Variants in XIRP2 observed in about 807,000 individuals in gnomAD.
The protein encoded by XIRP2 is xin actin-binding repeat-containing protein 2.
Under a neutral mutation model 277.0 loss-of-function variants are expected in XIRP2, and 236 were observed. The ratio of observed to expected loss-of-function variants is 0.85; its 90% CI spans 0.77 to 0.95. The LOEUF (loss-of-function observed/expected upper bound fraction) is 0.95. Ranked by LOEUF, XIRP2 falls within the 40% of genes least tolerant of loss-of-function variation. The probability of loss-of-function intolerance (pLI) is 0.00; values close to 1 mark genes in which losing one functional copy is unlikely to be tolerated. For synonymous variants in XIRP2, 1,490 were observed against 1,416.5 expected (o/e 1.05, Z -1.17); for missense variants, 4,640 against 4,157.5 (o/e 1.12, Z -3.19).
intron 2 of XIRP2, among the ~76,000 whole-genome samples, chr2:166,961,768 G>T (rs1018801817): frequency 6.6e-6 from 1 of 151,564 alleles, no homozygotes; most frequent in Non-Finnish European, 1.5e-5. Flanking sequence ...GCATGGAGTG[G>T]AATTCTAATT....
chr2:167,042,915 C>G (rs531303374), intron 2 of XIRP2, among the ~76,000 whole-genome samples: 3 of 151,722 alleles, frequency 2.0e-5, no homozygotes, highest in African/African-American at 7.2e-5. Context: ...ACATTCTTCA[C>G]TGACCACTTG....
intron 2 of XIRP2, among the ~76,000 whole-genome samples, chr2:167,022,489 T>C (rs974317353): frequency 6.6e-6 from 1 of 152,198 alleles, no homozygotes; most frequent in Non-Finnish European, 1.5e-5. Flanking sequence ...AGGGTACATG[T>C]GCACAACGTG....
chr2:167,059,365 A>G (rs1689120448), intron 2 of XIRP2, among the ~76,000 whole-genome samples: 1 of 151,228 alleles, frequency 6.6e-6, no homozygotes, highest in Non-Finnish European at 1.5e-5. Flanking sequence ...TGATCCGCCC[A>G]TCTCGCTGAA....
rs1695775186 is a variant in XIRP2 at position 167,259,312 on chromosome 2, C to CA, written c.*1496dup. Reference sequence around the variant, plus strand: ...GAGTGGAGGTGCAGTCAGAACAACTCACGGTGGAAGAGCAGATTAAAAGAA... The same window carrying CA: ...GAGTGGAGGTGCAGTCAGAACAACTCAACGGTGGAAGAGCAGATTAAAAGAA... On this transcript the variant is annotated 3_prime_UTR_variant, in exon 11 of 11. Transcript: ENST00000409195. 2 of 1,612,660 alleles carry CA rather than the reference C, an allele frequency of 1.2e-6. No individual in the cohort carries two copies. Among genetic ancestry groups the CA allele is most frequent in the Non-Finnish European group, 1.7e-6 (2 of 1,179,434 alleles).
intron 2 of XIRP2, among the ~76,000 whole-genome samples, chr2:167,121,964 G>T (rs1287880888): frequency 6.6e-6 from 1 of 152,118 alleles, no homozygotes; most frequent in Non-Finnish European, 1.5e-5. Context: ...AGCTCAAATA[G>T]CAGCATGTTG....
At chr2:167,121,001 C>T (rs1022005898) in intron 2 of XIRP2, among the ~76,000 whole-genome samples, 3 of 152,074 alleles carry the variant, frequency 2.0e-5, no homozygotes, top group African/African-American at 7.2e-5. Flanking sequence ...ATTTCATATT[C>T]ATTCAAAAGT....
At position 167,244,807 on chromosome 2, in the gene XIRP2, A is replaced by G; in HGVS notation, c.3415A>G (p.Ile1139Val). 3 of 1,613,788 alleles carry G rather than the reference A, an allele frequency of 1.9e-6. No homozygotes were observed. The highest frequency in any genetic ancestry group is 1.7e-5 in the Admixed American group (1 of 59,990). The change falls in exon 9 of 11, where the codon ATA becomes GTA. Residue 1139 changes from isoleucine to valine, a missense_variant. Physicochemically the swap from Ile to Val is conservative, Grantham distance 29. Transcript: ENST00000409195. ...CTTTGAAACTCAGCCACTTGATACC[A>G]TAAAAGATGACTCTGAAACAGCAGT... ...WLFETQPLDTIKDDSETAVKL... is the reference protein window; with the variant it reads ...WLFETQPLDTVKDDSETAVKL...
At chr2:167,093,497 G>T (rs1690208912) in intron 2 of XIRP2, among the ~76,000 whole-genome samples, 1 of 151,926 alleles carries the variant, frequency 6.6e-6, no homozygotes, top group Non-Finnish European at 1.5e-5. Flanking sequence ...GCCCCAGTGT[G>T]TGATGTTCCC....
At chr2:167,075,073 T>A (rs1331535712) in intron 2 of XIRP2, among the ~76,000 whole-genome samples, 1 of 152,224 alleles carries the variant, frequency 6.6e-6, no homozygotes, top group Non-Finnish European at 1.5e-5. Flanking sequence ...ATCTATAGTT[T>A]ATTTGGATGT....
At chr2:167,232,644 GAT>G (rs1161516498) in intron 5 of XIRP2, among the ~76,000 whole-genome samples, 1 of 151,886 alleles carries the variant, frequency 6.6e-6, no homozygotes, top group Non-Finnish European at 1.5e-5. Flanking sequence ...GTTAAGTAAA[GAT>G]ACCAAACACT....
intron 2 of XIRP2, among the ~76,000 whole-genome samples, chr2:166,960,955 G>C (rs1276985891): frequency 1.3e-5 from 2 of 151,730 alleles, no homozygotes; most frequent in Non-Finnish European, 2.9e-5. Context: ...ATTGCCATTA[G>C]AGAGCTCAGT....
chr2:167,005,267 T>C (rs1396550318), intron 2 of XIRP2, among the ~76,000 whole-genome samples: 3 of 151,852 alleles, frequency 2.0e-5, no homozygotes, highest in African/African-American at 7.2e-5. Context: ...AACAAGAATA[T>C]ATTTTGTCAT....
At chr2:167,012,478 A>G (rs1371876359) in intron 2 of XIRP2, among the ~76,000 whole-genome samples, 1 of 151,720 alleles carries the variant, frequency 6.6e-6, no homozygotes, top group Non-Finnish European at 1.5e-5. Flanking sequence ...GAACAAAGTA[A>G]AAGTTGAATA....
intron 3 of XIRP2, among the ~76,000 whole-genome samples, chr2:167,186,186 C>G (rs1357478424): frequency 6.6e-6 from 1 of 152,124 alleles, no homozygotes; most frequent in African/African-American, 2.4e-5. Flanking sequence ...AAGCACAACT[C>G]TAAATAATTA....
chr2:166,938,920 C>T (rs1685607142), intron 2 of XIRP2, among the ~76,000 whole-genome samples: 1 of 152,104 alleles, frequency 6.6e-6, no homozygotes. Context: ...GCAACCCCTG[C>T]CTTTTTATGT....
chr2:167,120,518 T>C (rs1691026931), intron 2 of XIRP2, among the ~76,000 whole-genome samples: 1 of 152,212 alleles, frequency 6.6e-6, no homozygotes. Context: ...GAATGATCAC[T>C]ATGGTATGTC....
At chr2:166,910,054 G>T (rs1310804023) in intron 2 of XIRP2, among the ~76,000 whole-genome samples, 1 of 152,198 alleles carries the variant, frequency 6.6e-6, no homozygotes, top group African/African-American at 2.4e-5. Flanking sequence ...GTTCATCAGA[G>T]ATATTGGTCT....
chr2:166,953,328 G>A (rs116295488), intron 2 of XIRP2, among the ~76,000 whole-genome samples: 486 of 151,914 alleles, frequency 3.2e-3, no homozygotes, highest in African/African-American at 0.011. Context: ...CATAGGGATG[G>A]GTCTTTTTCA....
At chr2:167,087,713 G>T (rs531353757) in intron 2 of XIRP2, among the ~76,000 whole-genome samples, 1 of 152,136 alleles carries the variant, frequency 6.6e-6, no homozygotes, top group African/African-American at 2.4e-5. Context: ...TTCCAGGTGC[G>T]TCTGTCACCC....
Sources: gnomAD v4.1 joint callset for allele counts (sites outside exome capture counted in the v4.1 genomes callset) on GRCh38, gnomAD v4.1.1 for gene constraint, MANE v1.5 for transcripts, NCBI Gene and HGNC (gene_info 2026-07-23, HGNC 2026-07-21) for gene names.